Variants in SH3KBP1 observed in about 807,000 individuals in gnomAD.
SH3KBP1 encodes the protein SH3 domain containing kinase binding protein 1, also known as SH3 domain-containing kinase-binding protein 1.
SH3KBP1 carries 8 observed loss-of-function variants against 50.1 expected under a neutral mutation model. The ratio of observed to expected loss-of-function variants is 0.16; its 90% CI spans 0.09 to 0.29. SH3KBP1 has a LOEUF of 0.29. SH3KBP1 is among the 10% of genes least tolerant of loss of function. The probability of loss-of-function intolerance (pLI) is 1.00; values close to 1 mark genes in which losing one functional copy is unlikely to be tolerated. For synonymous variants in SH3KBP1, 227 were observed against 218.6 expected (o/e 1.04, Z -0.34); for missense variants, 377 against 535.2 (o/e 0.70, Z 2.92).
chrX:19,697,965 C>T (rs2063459763), intron 4 of SH3KBP1, among the ~76,000 whole-genome samples: 1 of 112,339 alleles, frequency 8.9e-6, no homozygotes, highest in Non-Finnish European at 1.9e-5. Flanking sequence ...ACTGTCCCAA[C>T]GACTATTTGA....
chrX:19,626,518 T>C (rs908558192), intron 8 of SH3KBP1, among the ~76,000 whole-genome samples: 1 of 111,673 alleles, frequency 9.0e-6, no homozygotes, highest in Non-Finnish European at 1.9e-5. Context: ...ATGACTGTAC[T>C]ACTGTGTTGG....
intron 2 of SH3KBP1, among the ~76,000 whole-genome samples, chrX:19,781,947 G>A (rs991685531): frequency 9.0e-6 from 1 of 111,635 alleles, no homozygotes; most frequent in Non-Finnish European, 1.9e-5. Flanking sequence ...GAAGGCTTCT[G>A]TTTCTTCTGC....
Position 19,670,570 on chromosome X carries a change from T to G in SH3KBP1, c.726+13253A>C, listed in dbSNP as rs985804929. ...ATGAAAACCCAAGACACAGAGAGAT[T>G]GGAAACATCTGTAAAAATTAATGGC... On this transcript the variant is annotated intron_variant, in intron 6 of 17. Transcript: ENST00000397821. Among the ~76,000 whole-genome samples, 6 of 111,311 alleles carry G rather than the reference T, an allele frequency of 5.4e-5. No homozygotes were observed. The South Asian group carries it at 2.2e-3, about 41-fold the overall frequency.
chrX:19,714,946 C>G (rs1321900779), intron 3 of SH3KBP1, among the ~76,000 whole-genome samples: 1 of 111,302 alleles, frequency 9.0e-6, no homozygotes, highest in Non-Finnish European at 1.9e-5. Context: ...GATGAAGTGT[C>G]CTGATGTTTG....
intron 2 of SH3KBP1, among the ~76,000 whole-genome samples, chrX:19,790,404 G>A (rs1221098853): frequency 9.0e-6 from 1 of 111,551 alleles, no homozygotes; most frequent in Non-Finnish European, 1.9e-5. Flanking sequence ...GGCCTACAAG[G>A]GGGAGATGTC....
intron 4 of SH3KBP1, among the ~76,000 whole-genome samples, chrX:19,703,181 T>C (rs2063566794): frequency 8.9e-6 from 1 of 112,130 alleles, no homozygotes; most frequent in Non-Finnish European, 1.9e-5. Flanking sequence ...CGACTAAGGG[T>C]CAAGGTTGTT....
At chrX:19,549,578 G>A (rs1193363586) in intron 14 of SH3KBP1, among the ~76,000 whole-genome samples, 3 of 111,433 alleles carry the variant, frequency 2.7e-5, no homozygotes, top group Middle Eastern at 4.6e-3. Flanking sequence ...GCTGCCTGGC[G>A]CTATATAGGA....
chrX:19,725,617 G>A (rs1297017022), intron 3 of SH3KBP1, among the ~76,000 whole-genome samples: 2 of 112,048 alleles, frequency 1.8e-5, no homozygotes, highest in African/African-American at 6.5e-5. Flanking sequence ...ACCACCAGAC[G>A]TGGGTCAGCT....
intron 2 of SH3KBP1, among the ~76,000 whole-genome samples, chrX:19,807,149 T>G (rs191184183): frequency 5.3e-5 from 6 of 112,309 alleles, no homozygotes; most frequent in African/African-American, 1.9e-4. Flanking sequence ...CTACTCACAA[T>G]TGCAAATTCA....
At chrX:19,783,788 T>C (rs929412668) in intron 2 of SH3KBP1, among the ~76,000 whole-genome samples, 2 of 112,349 alleles carry the variant, frequency 1.8e-5, no homozygotes, top group Non-Finnish European at 3.8e-5. Context: ...CACCTAATTT[T>C]ACAAATTTAA....
intron 15 of SH3KBP1, among the ~76,000 whole-genome samples, chrX:19,545,129 C>T (rs909469792): frequency 8.9e-6 from 1 of 112,313 alleles, no homozygotes; most frequent in African/African-American, 3.2e-5. Context: ...GAAAATTCCA[C>T]GGTAACCTTT....
intron 6 of SH3KBP1, among the ~76,000 whole-genome samples, chrX:19,671,387 C>T (rs1185531807): frequency 9.1e-6 from 1 of 110,050 alleles, no homozygotes; most frequent in Non-Finnish European, 1.9e-5. Context: ...CACACACACA[C>T]ACACACACAT....
intron 9 of SH3KBP1, among the ~76,000 whole-genome samples, chrX:19,595,321 G>A (rs1057162241): frequency 8.9e-6 from 1 of 112,636 alleles, no homozygotes; most frequent in Non-Finnish European, 1.9e-5. Context: ...CTCCTACGCT[G>A]AAGCTGCATT....
chrX:19,541,788 C>G (rs1401416804), intron 16 of SH3KBP1, 137 bp downstream of exon 16: 11 of 683,993 alleles, frequency 1.6e-5, no homozygotes, highest in Non-Finnish European at 2.2e-5. Flanking sequence ...ACACGCACTC[C>G]CACCATTGCT....
chrX:19,700,424 C>A (rs889867644), intron 4 of SH3KBP1, among the ~76,000 whole-genome samples: 3 of 111,740 alleles, frequency 2.7e-5, no homozygotes, highest in Non-Finnish European at 5.6e-5. Context: ...TTGACAAACG[C>A]CCATTGTAGC....
At chrX:19,696,508 G>A (rs2063418912) in intron 4 of SH3KBP1, among the ~76,000 whole-genome samples, 1 of 111,456 alleles carries the variant, frequency 9.0e-6, no homozygotes, top group African/African-American at 3.3e-5. Flanking sequence ...AGGTAGGAAG[G>A]GCAGCGAGAC....
At chrX:19,703,695 ACTGTGT>A (rs2063578493) in intron 4 of SH3KBP1, among the ~76,000 whole-genome samples, 1 of 70,391 alleles carries the variant, frequency 1.4e-5, no homozygotes, top group Non-Finnish European at 2.7e-5. Flanking sequence ...AAAAAGAGAA[ACTGTGT>A]GTGTGTGTGT....
At chrX:19,559,037 G>A (rs951791161) in intron 13 of SH3KBP1, among the ~76,000 whole-genome samples, 26 of 109,113 alleles carry the variant, frequency 2.4e-4, no homozygotes, top group Non-Finnish European at 4.4e-4. Flanking sequence ...GGAGGTCGAG[G>A]CGGGTGGATC....
intron 8 of SH3KBP1, among the ~76,000 whole-genome samples, chrX:19,631,430 C>T (rs1427257409): frequency 8.9e-6 from 1 of 112,193 alleles, no homozygotes; most frequent in Non-Finnish European, 1.9e-5. Flanking sequence ...CTCTCAGGCA[C>T]TCTACCTGTC....
Sources: gnomAD v4.1 joint callset for allele counts (sites outside exome capture counted in the v4.1 genomes callset) on GRCh38, gnomAD v4.1.1 for gene constraint, MANE v1.5 for transcripts, NCBI Gene and HGNC (gene_info 2026-07-23, HGNC 2026-07-21) for gene names.